The following VEPH1 variants were observed in gnomAD, a reference collection of about 807,000 sequenced individuals.
The protein encoded by VEPH1 is ventricular zone-expressed PH domain-containing protein homolog 1.
Under a neutral mutation model 85.2 loss-of-function variants are expected in VEPH1, and 80 were observed. The ratio of observed to expected loss-of-function variants is 0.94; its 90% CI spans 0.78 to 1.13. VEPH1 has a LOEUF of 1.13. Among genes scored for constraint, VEPH1 ranks in the 50% most tolerant of loss-of-function variants. VEPH1 has a pLI of 0.00. For missense variants in VEPH1, 955 were observed against 980.5 expected, an observed-to-expected ratio of 0.97 and a Z score of 0.35; for synonymous variants, 297 against 348.0, an observed-to-expected ratio of 0.85 and a Z score of 1.63.
intron 9 of VEPH1, among the ~76,000 whole-genome samples, chr3:157,362,444 G>C (rs749039344): frequency 6.6e-6 from 1 of 152,068 alleles, no homozygotes; most frequent in Non-Finnish European, 1.5e-5. Context: ...TTTCTGACTA[G>C]CTCAACCTCT....
chr3:157,313,805 T>G, intron 10 of VEPH1, 50 bp from the exon 11 acceptor site: 1 of 1,596,202 alleles, frequency 6.3e-7, no homozygotes, highest in Non-Finnish European at 8.6e-7. Flanking sequence ...CTTGTCCCAA[T>G]AGTATTGTTT....
rs199977217 is a variant in VEPH1, at chr3:157,268,306, TG to T, written c.2129-2645del. The stretch of plus-strand genomic sequence containing the variant: ...CCTGCCGGGCTAGAGCCTCAGTAAA[TG>T]TTTATTAACAGTACACCATTGAGTC... On this transcript the variant is annotated intron_variant, in intron 12 of 13. Coordinates refer to ENST00000362010, the MANE Select transcript of VEPH1 (RefSeq NM_001167912.2). 3.5e-4 allele frequency among the ~76,000 whole-genome samples: 54 copies of T among 152,198 alleles called. 1 individual carries two copies. In the East Asian group the frequency reaches 0.01, roughly 29 times the overall value.
At chr3:157,353,526 A>C (rs944098742) in intron 9 of VEPH1, among the ~76,000 whole-genome samples, 4 of 152,082 alleles carry the variant, frequency 2.6e-5, no homozygotes, top group Non-Finnish European at 5.9e-5. Context: ...CTTGTCCTCC[A>C]AAGTGTTGGG....
At position 157,364,501 on chromosome 3, in the gene VEPH1, C is replaced by T. The variant is rs1190864845; in HGVS notation, c.1139G>A (p.Ser380Asn). ...TTTCTCAGGGAATTCAATTTCAGTG[C>T]TGATTTTTCTCCTAAAGGAATATAA... ...TKAGSGRRKI[S>N]TEIEFPEKLE... The change falls in exon 8 of 14, where the codon AGC becomes AAC. Residue 380 changes from serine to asparagine, a missense_variant. Transcript: ENST00000362010. The T allele has an allele frequency of 2.5e-6, 4 of 1,613,494 alleles. No homozygotes were observed. The African/African-American group carries it at 5.3e-5, about 22-fold the overall frequency.
chr3:157,431,978 G>C (rs28735781), intron 4 of VEPH1, among the ~76,000 whole-genome samples: 1 of 151,660 alleles, frequency 6.6e-6, no homozygotes, highest in Non-Finnish European at 1.5e-5. Flanking sequence ...CTCCCAAATA[G>C]CTGGGATTAC....
At chr3:157,309,830 A>G (rs1374460913) in intron 11 of VEPH1, among the ~76,000 whole-genome samples, 1 of 151,932 alleles carries the variant, frequency 6.6e-6, no homozygotes, top group African/African-American at 2.4e-5. Flanking sequence ...CCCAGGCTGG[A>G]GTGCAGTGGC....
intron 4 of VEPH1, among the ~76,000 whole-genome samples, chr3:157,432,065 G>A (rs971226521): frequency 3.3e-5 from 5 of 151,806 alleles, no homozygotes; most frequent in Admixed American, 1.3e-4. Context: ...GGCCAGGCTG[G>A]TCTCAAACTC....
At chr3:157,382,441 TG>T (rs1403794413) in intron 6 of VEPH1, among the ~76,000 whole-genome samples, 1 of 152,200 alleles carries the variant, frequency 6.6e-6, no homozygotes, top group African/African-American at 2.4e-5. Flanking sequence ...TCAAAATTAT[TG>T]AAAAGGTTAT....
intron 13 of VEPH1, among the ~76,000 whole-genome samples, chr3:157,263,338 ACCTAATTATAAAATT>A (rs1577175682): frequency 6.6e-6 from 1 of 152,292 alleles, no homozygotes. Flanking sequence ...CAAACAAGTT[ACCTAATTATAAAATT>A]GCTTTTTCTT....
chr3:157,469,941 A>T (rs1736764560), intron 3 of VEPH1, among the ~76,000 whole-genome samples: 1 of 152,166 alleles, frequency 6.6e-6, no homozygotes, highest in East Asian at 1.9e-4. Flanking sequence ...ACTGCCCCTC[A>T]GTTCATTTTC....
At chr3:157,424,948 G>C (rs957670644) in intron 5 of VEPH1, among the ~76,000 whole-genome samples, 1 of 152,194 alleles carries the variant, frequency 6.6e-6, no homozygotes, top group African/African-American at 2.4e-5. Context: ...AAGACAATGG[G>C]GAAAATGTGT....
intron 5 of VEPH1, among the ~76,000 whole-genome samples, chr3:157,424,169 C>T (rs527588768): frequency 1.1e-3 from 170 of 152,248 alleles, no homozygotes; most frequent in Admixed American, 2.5e-3. Flanking sequence ...ATAAGTCTCA[C>T]GAGATCTGAT....
intron 3 of VEPH1, among the ~76,000 whole-genome samples, chr3:157,464,809 G>A (rs1736214191): frequency 6.6e-6 from 1 of 152,130 alleles, no homozygotes; most frequent in Non-Finnish European, 1.5e-5. Context: ...TGGCTCTTAG[G>A]CCTTGAATTC....
chr3:157,468,029 T>C (rs1168890316), intron 3 of VEPH1, among the ~76,000 whole-genome samples: 2 of 152,218 alleles, frequency 1.3e-5, no homozygotes, highest in Non-Finnish European at 2.9e-5. Flanking sequence ...GTTAGAATTA[T>C]GGGCATTTGA....
At chr3:157,322,215 G>T (rs1309869038) in intron 9 of VEPH1, among the ~76,000 whole-genome samples, 1 of 152,132 alleles carries the variant, frequency 6.6e-6, no homozygotes, top group Non-Finnish European at 1.5e-5. Flanking sequence ...TATAATAGTT[G>T]TTCTTTTGTT....
chr3:157,395,584 A>G (rs1264028006), intron 6 of VEPH1, among the ~76,000 whole-genome samples: 1 of 152,198 alleles, frequency 6.6e-6, no homozygotes, highest in Non-Finnish European at 1.5e-5. Context: ...CTTGATTATT[A>G]AAATCCTCCT....
chr3:157,405,897 G>A (rs1731104174), intron 6 of VEPH1, among the ~76,000 whole-genome samples: 1 of 152,116 alleles, frequency 6.6e-6, no homozygotes, highest in Non-Finnish European at 1.5e-5. Flanking sequence ...CCCATCACCA[G>A]TACTGGGTCT....
Position 157,261,288 on chromosome 3 carries a change from G to A in VEPH1, c.2348C>T (p.Ser783Phe), listed in dbSNP as rs200528563. ...GAAGATTTCGAAAGCCCGGGGGAGA[G>A]AGCGGTCCCTGCGTTTCTTGGCCAC... is the stretch of plus-strand genomic sequence containing the variant. Reference protein sequence around the residue: ...KAVAKKRRDRSLPRAFEIFTD... With the variant: ...KAVAKKRRDRFLPRAFEIFTD... The change falls in exon 14 of 14, where the codon TCT becomes TTT. Residue 783 changes from serine to phenylalanine, a missense_variant. Physicochemically the swap from Ser to Phe is radical, Grantham distance 155. Transcript: ENST00000362010. The A allele has an allele frequency of 9.9e-6, 16 of 1,613,656 alleles. No individual in the cohort carries two copies. The highest frequency in any genetic ancestry group is 1.4e-5 in the Non-Finnish European group (16 of 1,179,752).
chr3:157,440,291 A>G (rs534168258), intron 4 of VEPH1, among the ~76,000 whole-genome samples: 3 of 152,350 alleles, frequency 2.0e-5, no homozygotes, highest in African/African-American at 7.2e-5. Flanking sequence ...AGTTACTTTT[A>G]TATGATTATC....
Sources: gnomAD v4.1 joint callset for allele counts (sites outside exome capture counted in the v4.1 genomes callset) on GRCh38, gnomAD v4.1.1 for gene constraint, MANE v1.5 for transcripts, NCBI Gene and HGNC (gene_info 2026-07-23, HGNC 2026-07-21) for gene names.